Variants in ZNF592 observed in about 807,000 individuals in gnomAD.
The protein encoded by ZNF592 is zinc finger protein 592, also known as spinocerebellar ataxia, autosomal recessive 5.
ZNF592 carries 11 observed loss-of-function variants against 80.3 expected under a neutral mutation model. That is an observed-to-expected ratio of 0.14 (90% CI 0.09 to 0.23). ZNF592 has a LOEUF of 0.23. ZNF592 is among the 10% of genes least tolerant of loss of function. The pLI, the probability that ZNF592 is intolerant of heterozygous loss-of-function variation, is 1.00. For synonymous variants in ZNF592, 646 were observed against 640.3 expected (o/e 1.01, Z -0.13); for missense variants, 1,420 against 1,633.9 (o/e 0.87, Z 2.26).
chr15:84,775,726 G>A (rs1252157384), intron 2 of ZNF592, among the ~76,000 whole-genome samples: 1 of 152,064 alleles, frequency 6.6e-6, no homozygotes, highest in African/African-American at 2.4e-5. Flanking sequence ...CACTGCGCCC[G>A]GCCGAATCAT....
At chr15:84,794,007 G>C (rs932444999) in intron 5 of ZNF592, among the ~76,000 whole-genome samples, 16 of 152,050 alleles carry the variant, frequency 1.1e-4, no homozygotes, top group African/African-American at 3.6e-4. Context: ...CATGTTTTCA[G>C]TTGCTTTGGA....
At chr15:84,757,969 C>CT (rs1220246285) in intron 1 of ZNF592, among the ~76,000 whole-genome samples, 1,540 of 140,318 alleles carry the variant, frequency 0.011, 26 homozygotes, top group African/African-American at 0.033. Flanking sequence ...GCCGTTAATC[C>CT]TTTTTTTTTT....
At chr15:84,774,920 A>C (rs1962199527) in intron 2 of ZNF592, among the ~76,000 whole-genome samples, 3 of 151,942 alleles carry the variant, frequency 2.0e-5, no homozygotes, top group Admixed American at 6.6e-5. Context: ...AGCTGAGATT[A>C]CAGGTGTACA....
chr15:84,789,049 T>TAAAAAAAAAAAAA (rs1290792809), intron 4 of ZNF592, among the ~76,000 whole-genome samples: 1 of 139,238 alleles, frequency 7.2e-6, no homozygotes, highest in African/African-American at 2.7e-5. Flanking sequence ...TGTCTCTATT[T>TAAAAAAAAAAAAA]AAAAAAAAAA....
chr15:84,772,243 CGAT>C (rs942531187), intron 2 of ZNF592, among the ~76,000 whole-genome samples: 6 of 152,094 alleles, frequency 3.9e-5, no homozygotes, highest in African/African-American at 1.4e-4. Context: ...AGTGGTGTCT[CGAT>C]GATTAATGTT....
intron 3 of ZNF592, among the ~76,000 whole-genome samples, chr15:84,780,561 A>T (rs1962391382): frequency 1.3e-5 from 2 of 152,120 alleles, no homozygotes; most frequent in Non-Finnish European, 2.9e-5. Flanking sequence ...GGTAATTGGT[A>T]TTGTACTTTA....
At chr15:84,768,072 T>TC (rs1363454863) in intron 2 of ZNF592, among the ~76,000 whole-genome samples, 5 of 150,820 alleles carry the variant, frequency 3.3e-5, no homozygotes, top group African/African-American at 1.2e-4. Context: ...TTTTTTTTTT[T>TC]TGTAGAGATG....
chr15:84,800,358 A>AC (rs571526910), intron 10 of ZNF592, among the ~76,000 whole-genome samples: 1 of 151,722 alleles, frequency 6.6e-6, no homozygotes, highest in Non-Finnish European at 1.5e-5. Flanking sequence ...TGGCCAACTC[A>AC]CCCCCCAACC....
chr15:84,802,503 T>G lies in ZNF592; in HGVS notation c.*110T>G. 1.5e-6 allele frequency: 2 copies of G among 1,340,060 alleles called. No individual in the cohort carries two copies. The highest frequency in any genetic ancestry group is 2.1e-6 in the Non-Finnish European group (2 of 961,392). 83.0% of individuals were successfully genotyped at this position (1,340,060 alleles called of 1,614,324 possible). A position where few individuals can be genotyped will look rare whatever the true frequency, so the allele number is the denominator to read the frequency against. On this transcript the variant is annotated 3_prime_UTR_variant, in exon 11 of 11. Transcript: ENST00000560079. ...TGCCCCCAGTGTGAGTGTGACCGGT[T>G]GTACCCTGGAGTAGTGTCTGCCCTG...
At position 84,806,063 on chromosome 15, in the gene ZNF592, C is replaced by A. The variant is rs1352239975; in HGVS notation, c.*3670C>A. 2 of 152,534 alleles carry A rather than the reference C, an allele frequency of 1.3e-5. No homozygotes were observed. The highest frequency in any genetic ancestry group is 2.9e-5 in the Non-Finnish European group (2 of 68,022). The allele number at this position is 152,534 out of a possible 1,614,324, so 9.4% of individuals were successfully genotyped here. On this transcript the variant is annotated 3_prime_UTR_variant, in exon 11 of 11. Transcript: ENST00000560079. ...GGGTCAGAGTAATTCTTTAAAAGTTCCTTGCATATAACAGTGATTCAAAAA... is the reference window on the plus strand; with the variant it reads ...GGGTCAGAGTAATTCTTTAAAAGTTACTTGCATATAACAGTGATTCAAAAA...
Position 84,756,736 on chromosome 15 carries a change from T to C in ZNF592, c.-258-7971T>C, listed in dbSNP as rs80162832. Among the ~76,000 whole-genome samples, 949 of 152,318 alleles carry C rather than the reference T, an allele frequency of 6.2e-3. 5 individuals are homozygous for C. Among genetic ancestry groups the C allele is most frequent in the Middle Eastern group, 0.01 (3 of 294 alleles). ...AATCTTTAGGCCCTTAAAAATATTA[T>C]ATATATTTTTTAAGAGATAGGAGTC... On this transcript the variant is annotated intron_variant, in intron 1 of 10. Coordinates refer to ENST00000560079, the MANE Select transcript of ZNF592 (RefSeq NM_014630.3).
At position 84,798,925 on chromosome 15, in the gene ZNF592, C is replaced by G. The variant is rs1166257027; in HGVS notation, c.3024+50C>G. 1.3e-6 allele frequency: 2 copies of G among 1,598,830 alleles called. No homozygotes were observed. The highest frequency in any genetic ancestry group is 2.2e-5 in the South Asian group (2 of 90,828). ...TGCAGAGCCCAGTCCTCTGGACTTC[C>G]TTCTGTGAAGCCAGAACCCCTAGGG... On this transcript the variant is annotated intron_variant, in intron 8 of 10. Transcript: ENST00000560079. This position sits in a 1 kb window ranked among gnomAD's most constrained non-coding sequence, Gnocchi z 4.5.
intron 5 of ZNF592, among the ~76,000 whole-genome samples, chr15:84,793,301 T>C (rs1388379873): frequency 6.6e-6 from 1 of 152,162 alleles, no homozygotes; most frequent in African/African-American, 2.4e-5. Flanking sequence ...GGTCTCAAAC[T>C]CCTGACCTCA....
intron 2 of ZNF592, among the ~76,000 whole-genome samples, chr15:84,768,893 A>G (rs1272851684): frequency 6.6e-6 from 1 of 152,252 alleles, no homozygotes; most frequent in African/African-American, 2.4e-5. Context: ...GATTATCTTG[A>G]ACAATCTTAA....
Position 84,804,565 on chromosome 15 carries a change from C to T in ZNF592, c.*2172C>T, listed in dbSNP as rs190378533. On this transcript the variant is annotated 3_prime_UTR_variant, in exon 11 of 11. Transcript: ENST00000560079. ...AACAAATCCCTTAACCTCACTGTCT[C>T]CTCTCCTTCACAATAGAGTTAGTAA... The T allele has an allele frequency of 6.6e-6, 1 of 152,372 alleles. No homozygotes were observed. Among genetic ancestry groups the T allele is most frequent in the East Asian group, 1.9e-4 (1 of 5,192 alleles). 9.4% of individuals were successfully genotyped at this position (152,372 alleles called of 1,614,324 possible). A position where few individuals can be genotyped will look rare whatever the true frequency, so the allele number is the denominator to read the frequency against.
chr15:84,751,397 A>G lies in ZNF592; in HGVS notation c.-259+2733A>G, dbSNP rs137916738. ...AGCCCACTGGCTCTGGAGCCAGACC[A>G]CTGAAGTTTGCATTTTGCTCCTGTC... On this transcript the variant is annotated intron_variant, in intron 1 of 10. Coordinates refer to ENST00000560079, the MANE Select transcript of ZNF592 (RefSeq NM_014630.3). Among the ~76,000 whole-genome samples, 661 of 152,316 alleles carry G rather than the reference A, an allele frequency of 4.3e-3. 13 individuals are homozygous for G. Among genetic ancestry groups the G allele is most frequent in the African/African-American group, 0.014 (595 of 41,574 alleles).
rs1390626725 is a variant in ZNF592, at chr15:84,797,923, C to A, written c.2454C>A (p.Ile818=). 12 of 1,614,114 alleles carry A rather than the reference C, an allele frequency of 7.4e-6. No homozygotes were observed. Among genetic ancestry groups the A allele is most frequent in the Non-Finnish European group, 1.0e-5 (12 of 1,180,056 alleles). The change falls in exon 6 of 11, where the codon ATC becomes ATA. Residue 818 remains isoleucine (I), a synonymous_variant. Transcript: ENST00000560079. Reference sequence around the variant, plus strand: ...CCTTGGCCTTGCTGAAAAGCCACATCCAGGAGCGACACTGCCAGGTTTTCC... The same window carrying A: ...CCTTGGCCTTGCTGAAAAGCCACATACAGGAGCGACACTGCCAGGTTTTCC... The part of the protein sequence containing the change: ...HLTLALLKSH[I]QERHCQVFHK...
intron 3 of ZNF592, among the ~76,000 whole-genome samples, chr15:84,779,989 GTT>G (rs1402357185): frequency 7.2e-6 from 1 of 139,004 alleles, no homozygotes; most frequent in Non-Finnish European, 1.5e-5. Context: ...AGACAGTTTT[GTT>G]TTTTTTTTTT....
chr15:84,765,824 C>G (rs1046912816), intron 2 of ZNF592, among the ~76,000 whole-genome samples: 1 of 151,996 alleles, frequency 6.6e-6, no homozygotes, highest in Non-Finnish European at 1.5e-5. Context: ...GCATGAGCCA[C>G]CGCACCCAGA....
Sources: allele counts gnomAD v4.1 joint callset (sites outside exome capture counted in the v4.1 genomes callset), GRCh38; gene constraint gnomAD v4.1.1; non-coding constraint Gnocchi (gnomAD v3.1); transcripts MANE v1.5; gene names NCBI Gene and HGNC (gene_info 2026-07-23, HGNC 2026-07-21).